GABRA1: variants seen among roughly 807,000 people sequenced by gnomAD.
GABRA1 encodes the protein gamma-aminobutyric acid receptor subunit alpha-1.
In GABRA1, 9 loss-of-function variants were observed where a neutral mutation model predicts 48.9. The observed-to-expected ratio is 0.18, with a 90% CI of 0.11 to 0.32. GABRA1 has a LOEUF of 0.32. Ranked by LOEUF, GABRA1 falls within the 10% of genes least tolerant of loss-of-function variation. GABRA1 has a pLI of 1.00. For missense variants in GABRA1, 285 were observed against 553.8 expected, an observed-to-expected ratio of 0.51 and a Z score of 4.87; for synonymous variants, 210 against 198.7, an observed-to-expected ratio of 1.06 and a Z score of -0.48.
At chr5:161,853,450 G>T (rs1757528386) in intron 2 of GABRA1, among the ~76,000 whole-genome samples, 3 of 151,970 alleles carry the variant, frequency 2.0e-5, no homozygotes, top group African/African-American at 4.8e-5. Context: ...CACTAAAACT[G>T]TGCTACAGCT....
intron 6 of GABRA1, among the ~76,000 whole-genome samples, chr5:161,877,020 G>C (rs893859312): frequency 6.6e-6 from 1 of 152,036 alleles, no homozygotes; most frequent in South Asian, 2.1e-4. Flanking sequence ...CTGCAGGCTT[G>C]ACCCCCTGGG....
chr5:161,850,755 T>A lies in GABRA1; in HGVS notation c.-15-41T>A, dbSNP rs1200583143. On this transcript the variant is annotated intron_variant, in intron 1 of 9. Transcript: ENST00000393943. Reference sequence around the variant, plus strand: ...GCCCTGGTGGTTATAACCTGATGTTTCTTGCTAGAGACATTGATCTCTACT... The same window carrying A: ...GCCCTGGTGGTTATAACCTGATGTTACTTGCTAGAGACATTGATCTCTACT... 3 of 1,538,774 alleles carry A rather than the reference T, an allele frequency of 1.9e-6. No individual in the cohort carries two copies. The African/African-American group carries it at 4.1e-5, about 21-fold the overall frequency.
rs1287654967 is a variant in GABRA1, at chr5:161,899,768, T to A, written c.*2346T>A. The A allele has an allele frequency of 6.6e-6, 1 of 152,192 alleles. No homozygotes were observed. Among genetic ancestry groups the A allele is most frequent in the African/African-American group, 2.4e-5 (1 of 41,456 alleles). The allele number at this position is 152,192 out of a possible 1,614,324, so 9.4% of individuals were successfully genotyped here. On this transcript the variant is annotated 3_prime_UTR_variant, in exon 10 of 10. Transcript: ENST00000393943. The stretch of plus-strand genomic sequence containing the variant: ...CAGTTCCTGTTCACTCCCAGGAAAC[T>A]TTTTTAAAAGATGACACTGAATGTT...
At chr5:161,851,140 C>T (rs1047502406) in intron 2 of GABRA1, among the ~76,000 whole-genome samples, 11 of 152,134 alleles carry the variant, frequency 7.2e-5, no homozygotes, top group African/African-American at 2.4e-4. Context: ...TTGAACTTCT[C>T]ACTGTTCAGT....
At position 161,899,512 on chromosome 5, in the gene GABRA1, T is replaced by G. The variant is rs1027174549; in HGVS notation, c.*2090T>G. The G allele has an allele frequency of 6.6e-6, 1 of 152,196 alleles. No individual in the cohort carries two copies. The highest frequency in any genetic ancestry group is 2.1e-4 in the South Asian group (1 of 4,836). The allele number at this position is 152,196 out of a possible 1,614,324, so 9.4% of individuals were successfully genotyped here. On this transcript the variant is annotated 3_prime_UTR_variant, in exon 10 of 10. Coordinates refer to ENST00000393943, the MANE Select transcript of GABRA1 (RefSeq NM_001127644.2). Reference sequence around the variant, plus strand: ...TCTCATGGCTAACTTTTGGTCTGTATTTTGCTCCTTAGATGTGAATATTTC... The same window carrying G: ...TCTCATGGCTAACTTTTGGTCTGTAGTTTGCTCCTTAGATGTGAATATTTC...
chr5:161,852,150 C>T (rs1377000986), intron 2 of GABRA1, among the ~76,000 whole-genome samples: 1 of 151,856 alleles, frequency 6.6e-6, no homozygotes, highest in African/African-American at 2.4e-5. Flanking sequence ...TCCATTCCAG[C>T]TGGGAAAGCA....
chr5:161,877,278 TA>T (rs975067629), intron 6 of GABRA1, among the ~76,000 whole-genome samples: 1 of 152,112 alleles, frequency 6.6e-6, no homozygotes. Flanking sequence ...CCTTTTATCT[TA>T]AAAAATCCTA....
At chr5:161,876,801 T>A (rs766481703) in intron 6 of GABRA1, among the ~76,000 whole-genome samples, 1 of 152,228 alleles carries the variant, frequency 6.6e-6, no homozygotes, top group Non-Finnish European at 1.5e-5. Context: ...ATGTGCTACA[T>A]GTTACTTGCA....
intron 6 of GABRA1, 67 bp from the exon 7 acceptor site, chr5:161,882,491 G>A (rs1754658817): frequency 7.0e-7 from 1 of 1,426,148 alleles, no homozygotes; most frequent in Non-Finnish European, 9.9e-7. Context: ...GCTGATGAAA[G>A]GTACCAACTA....
intron 4 of GABRA1, among the ~76,000 whole-genome samples, chr5:161,866,636 G>A (rs1753869713): frequency 1.3e-5 from 2 of 152,184 alleles, no homozygotes; most frequent in South Asian, 4.1e-4. Context: ...ACTATGAATG[G>A]CAGAGTAAAA....
chr5:161,892,370 G>A (rs1157500523), intron 8 of GABRA1, among the ~76,000 whole-genome samples: 1 of 152,114 alleles, frequency 6.6e-6, no homozygotes, highest in African/African-American at 2.4e-5. Flanking sequence ...TGAAAAATCA[G>A]TTATCTCAGA....
At chr5:161,865,072 T>C (rs1160798790) in intron 3 of GABRA1, among the ~76,000 whole-genome samples, 2 of 152,076 alleles carry the variant, frequency 1.3e-5, no homozygotes, top group African/African-American at 4.8e-5. Context: ...GGTTGATGTA[T>C]GTGCCATCAG....
intron 7 of GABRA1, 101 bp downstream of exon 7, chr5:161,882,802 C>A: frequency 1.7e-6 from 2 of 1,192,778 alleles, no homozygotes; most frequent in South Asian, 1.3e-5. Context: ...GGAGAGAGAA[C>A]ATTTCACTAA....
Position 161,882,429 on chromosome 5 carries a change from A to T in GABRA1, c.560-129A>T, listed in dbSNP as rs370582907. On this transcript the variant is annotated intron_variant, in intron 6 of 9. Coordinates refer to ENST00000393943, the MANE Select transcript of GABRA1 (RefSeq NM_001127644.2). ...TTAGTTTTTGTAAATTAAGGGACAT[A>T]AGCTCATCTTTCCTAGCCTGCCCTC... is the stretch of plus-strand genomic sequence containing the variant. 13 of 861,952 alleles carry T rather than the reference A, an allele frequency of 1.5e-5. No homozygotes were observed. In the East Asian group the frequency reaches 1.6e-4, roughly 10 times the overall value. 53.4% of individuals were successfully genotyped at this position (861,952 alleles called of 1,614,324 possible). A position where few individuals can be genotyped will look rare whatever the true frequency, so the allele number is the denominator to read the frequency against.
At chr5:161,878,319 T>G (rs780804664) in intron 6 of GABRA1, among the ~76,000 whole-genome samples, 1 of 152,154 alleles carries the variant, frequency 6.6e-6, no homozygotes, top group Non-Finnish European at 1.5e-5. Context: ...TGCCTGGCAT[T>G]GGCACAAGAA....
chr5:161,894,066 G>A (rs747720496), intron 8 of GABRA1, among the ~76,000 whole-genome samples: 4 of 152,104 alleles, frequency 2.6e-5, no homozygotes, highest in Non-Finnish European at 2.9e-5. Flanking sequence ...TGAATTTATT[G>A]TAGTAGGGAT....
intron 4 of GABRA1, among the ~76,000 whole-genome samples, chr5:161,872,772 A>C (rs1277127164): frequency 6.6e-6 from 1 of 152,006 alleles, no homozygotes; most frequent in Non-Finnish European, 1.5e-5. Flanking sequence ...CTCTAACATG[A>C]GTTTGTTTTA....
chr5:161,874,199 C>A (rs1399253621), intron 5 of GABRA1, among the ~76,000 whole-genome samples: 1 of 152,024 alleles, frequency 6.6e-6, no homozygotes, highest in African/African-American at 2.4e-5. Context: ...GGATTGTATG[C>A]AAGTACAGTA....
At chr5:161,895,934 G>A (rs992511240) in intron 9 of GABRA1, 66 bp downstream of exon 9, 1 of 1,393,324 alleles carries the variant, frequency 7.2e-7, no homozygotes, top group Non-Finnish European at 1.0e-6. Flanking sequence ...GAAATGAGAT[G>A]TTTTGGCCTG....
Sources: gnomAD v4.1 joint callset for allele counts (sites outside exome capture counted in the v4.1 genomes callset) on GRCh38, gnomAD v4.1.1 for gene constraint, MANE v1.5 for transcripts, NCBI Gene and HGNC (gene_info 2026-07-23, HGNC 2026-07-21) for gene names.